Variants in COL10A1 observed in about 807,000 individuals in gnomAD.
COL10A1 encodes the protein collagen type X alpha 1 chain, also known as collagen alpha-1(X) chain.
In COL10A1, 10 loss-of-function variants were observed where a neutral mutation model predicts 18.2. That is an observed-to-expected ratio of 0.55 (90% CI 0.34 to 0.93). The LOEUF is 0.93. Among genes scored for constraint, COL10A1 ranks in the 40% least tolerant of loss-of-function variants. COL10A1 has a pLI of 0.02. For missense variants in COL10A1, 897 were observed against 853.5 expected (o/e 1.05, Z -0.64); for synonymous variants, 330 against 316.6 (o/e 1.04, Z -0.45).
At chr6:116,192,584 T>C in the COL10A1 span, among the ~76,000 whole-genome samples, 1 of 152,056 alleles carries the variant, frequency 6.6e-6, no homozygotes, top group South Asian at 2.1e-4. Flanking sequence ...TGATATAAAG[T>C]CAAAAATCAA....
chr6:116,152,324 G>A (rs756378975), intron 1 of COL10A1, among the ~76,000 whole-genome samples: 2 of 151,990 alleles, frequency 1.3e-5, no homozygotes, highest in Admixed American at 1.3e-4. Flanking sequence ...TCAACTTATC[G>A]TACCATTTAA....
At chr6:116,162,388 G>GT (rs1562145356), upstream of COL10A1, among the ~76,000 whole-genome samples, 1 of 152,146 alleles carries the variant, frequency 6.6e-6, no homozygotes, top group Non-Finnish European at 1.5e-5. Context: ...ATTTTTCCCT[G>GT]TAAGTATGAT....
At chr6:116,190,249 T>G in the COL10A1 span, among the ~76,000 whole-genome samples, 5 of 152,072 alleles carry the variant, frequency 3.3e-5, no homozygotes, top group African/African-American at 9.6e-5. Flanking sequence ...AAACAGTATT[T>G]TTTAAATTAT....
the COL10A1 span, among the ~76,000 whole-genome samples, chr6:116,193,245 G>A: frequency 2.6e-5 from 4 of 151,956 alleles, no homozygotes; most frequent in Non-Finnish European, 5.9e-5. Flanking sequence ...TTGCCCCATA[G>A]TATCCAGTAA....
chr6:116,155,630 G>A (rs1198529853), intron 1 of COL10A1, among the ~76,000 whole-genome samples: 1 of 151,870 alleles, frequency 6.6e-6, no homozygotes, highest in African/African-American at 2.4e-5. Context: ...TATGAGTGAG[G>A]TTACTCCATT....
the COL10A1 span, among the ~76,000 whole-genome samples, chr6:116,216,957 T>C: frequency 6.6e-6 from 1 of 152,302 alleles, no homozygotes; most frequent in South Asian, 2.1e-4. Context: ...TATTCTGCAA[T>C]GGAAACAACA....
At chr6:116,163,141 A>AAAAAAAAAATATATAT (rs761718922), upstream of COL10A1, among the ~76,000 whole-genome samples, 11 of 88,396 alleles carry the variant, frequency 1.2e-4, no homozygotes, top group African/African-American at 6.3e-4. Context: ...AAAAAAAAAA[A>AAAAAAAAAATATATAT]ATATATATAT....
At chr6:116,171,209 T>C in the COL10A1 span, among the ~76,000 whole-genome samples, 2 of 152,224 alleles carry the variant, frequency 1.3e-5, no homozygotes, top group Non-Finnish European at 2.9e-5. Context: ...CACTACCTTT[T>C]ACATATTTTA....
At chr6:116,186,731 A>T in the COL10A1 span, among the ~76,000 whole-genome samples, 3 of 151,662 alleles carry the variant, frequency 2.0e-5, no homozygotes, top group African/African-American at 7.3e-5. Context: ...AGAAATTGTG[A>T]TTGCTTTTTT....
chr6:116,159,660 G>A (rs1346189704), upstream of COL10A1, among the ~76,000 whole-genome samples: 1 of 152,156 alleles, frequency 6.6e-6, no homozygotes, highest in Non-Finnish European at 1.5e-5. Flanking sequence ...AGGGATATAT[G>A]TGCAGGTTTG....
Position 116,125,477 on chromosome 6 carries a change from G to A in COL10A1, c.16C>T (p.Pro6Ser). Residue 6 changes from proline to serine, a missense_variant, in exon 2 of 3, where the codon CCC (proline) becomes TCC (serine). Pro to Ser is a moderately conservative substitution (Grantham distance 74, BLOSUM62 -1). Coordinates refer to ENST00000651968, the MANE Select transcript of COL10A1 (RefSeq NM_000493.4). ...TTCAAGGATACTAGCAGCAAAAAGG[G>A]TATTTGTGGCAGCATATTCTCAGAT... is the stretch of plus-strand genomic sequence containing the variant. Reference protein sequence around the residue: MLPQIPFLLLVSLNLV... With the variant: MLPQISFLLLVSLNLV... The A allele has an allele frequency of 6.2e-7, 1 of 1,613,732 alleles. No individual in the cohort carries two copies. The highest frequency in any genetic ancestry group is 8.5e-7 in the Non-Finnish European group (1 of 1,179,788).
chr6:116,174,216 T>C, the COL10A1 span, among the ~76,000 whole-genome samples: 1 of 152,202 alleles, frequency 6.6e-6, no homozygotes, highest in Non-Finnish European at 1.5e-5. Context: ...GTTACTCTTA[T>C]TCCCCTTTGC....
At chr6:116,123,479 G>A (rs1469078985) in intron 2 of COL10A1, among the ~76,000 whole-genome samples, 3 of 152,240 alleles carry the variant, frequency 2.0e-5, no homozygotes, top group Non-Finnish European at 2.9e-5. Context: ...AACTGAAATC[G>A]TGATTGGTTG....
the COL10A1 span, among the ~76,000 whole-genome samples, chr6:116,191,430 G>T: frequency 6.6e-6 from 1 of 151,984 alleles, no homozygotes; most frequent in East Asian, 1.9e-4. Flanking sequence ...GGAAAGAAGA[G>T]GAGGGAAAAA....
At chr6:116,149,598 G>C (rs1056109988) in intron 1 of COL10A1, among the ~76,000 whole-genome samples, 1 of 152,056 alleles carries the variant, frequency 6.6e-6, no homozygotes, top group Non-Finnish European at 1.5e-5. Context: ...CTGTCGAAAG[G>C]GTATCTAGAC....
At chr6:116,149,226 T>C (rs1779972676) in intron 1 of COL10A1, among the ~76,000 whole-genome samples, 1 of 152,200 alleles carries the variant, frequency 6.6e-6, no homozygotes, top group Admixed American at 6.5e-5. Context: ...TTTGACACAA[T>C]TTAAGTTACT....
At chr6:116,178,088 TGC>T in the COL10A1 span, among the ~76,000 whole-genome samples, 6,176 of 99,346 alleles carry the variant, frequency 0.062, 175 homozygotes, top group African/African-American at 0.12. Flanking sequence ...TGTGTGTGTG[TGC>T]GCGCGCGCGC....
At chr6:116,173,752 A>G in the COL10A1 span, among the ~76,000 whole-genome samples, 4 of 152,234 alleles carry the variant, frequency 2.6e-5, no homozygotes, top group Admixed American at 6.5e-5. Context: ...TAAAGACAAT[A>G]TAGAGTGATC....
the COL10A1 span, among the ~76,000 whole-genome samples, chr6:116,181,063 ATTTAC>A: frequency 0.04 from 6,133 of 152,090 alleles, 187 homozygotes; most frequent in African/African-American, 0.083. Flanking sequence ...GGTATCTTGA[ATTTAC>A]TTTAAGACAA....
Sources: allele counts gnomAD v4.1 joint callset (sites outside exome capture counted in the v4.1 genomes callset), GRCh38; gene constraint gnomAD v4.1.1; transcripts MANE v1.5; gene names NCBI Gene and HGNC (gene_info 2026-07-23, HGNC 2026-07-21).